SLC16A12: variants seen among roughly 807,000 people sequenced by gnomAD.
SLC16A12 encodes solute carrier family 16 member 12, also known as monocarboxylate transporter 12.
Under a neutral mutation model 42.4 loss-of-function variants are expected in SLC16A12, and 17 were observed. The observed-to-expected ratio is 0.40, with a 90% CI of 0.27 to 0.60. The LOEUF (loss-of-function observed/expected upper bound fraction) is 0.60, where lower values mean the gene tolerates loss of function less well. Ranked by LOEUF, SLC16A12 falls within the 20% of genes least tolerant of loss-of-function variation. The pLI, the probability that SLC16A12 is intolerant of heterozygous loss-of-function variation, is 0.42. For missense variants in SLC16A12, 544 were observed against 623.0 expected (o/e 0.87, Z 1.35); for synonymous variants, 224 against 229.4 (o/e 0.98, Z 0.21).
intron 2 of SLC16A12, among the ~76,000 whole-genome samples, chr10:89,513,654 G>T (rs1322090036): frequency 2.0e-5 from 3 of 152,138 alleles, no homozygotes; most frequent in Non-Finnish European, 4.4e-5. Flanking sequence ...AATCAAATGT[G>T]ACTTGATGGG....
intron 3 of SLC16A12, among the ~76,000 whole-genome samples, chr10:89,453,663 C>T (rs1051519280): frequency 6.6e-6 from 1 of 152,138 alleles, no homozygotes; most frequent in Non-Finnish European, 1.5e-5. Flanking sequence ...TGTGAGTACA[C>T]TCTATGATGT....
Position 89,436,081 on chromosome 10 carries a change from A to C in SLC16A12, c.1267T>G (p.Leu423Val). 6.2e-7 allele frequency: 1 copy of C among 1,613,928 alleles called. No individual in the cohort carries two copies. Among genetic ancestry groups the C allele is most frequent in the Non-Finnish European group, 8.5e-7 (1 of 1,179,864 alleles). ...TTACCTGCGATGGGTGGGCTCACCA[A>C]GTATGGCACTGCGTGAAGGAAGTAT... The part of the protein sequence containing the change: ...VVYFLHAVPY[L>V]VSPPIAGRLV... The change falls in exon 7 of 8, where the codon TTG becomes GTG. Residue 423 changes from leucine (L) to valine (V), a missense_variant. Leu to Val is a conservative substitution (Grantham distance 32). Transcript: ENST00000371790.
Position 89,502,480 on chromosome 10 carries a change from C to T in SLC16A12, c.-47+32021G>A, listed in dbSNP as rs113343650. ...AAAACAAAAAAACAAAAAAGTGATG[C>T]CCACAGAAACTCCTGATACAACTGA... On this transcript the variant is annotated intron_variant, in intron 2 of 7. Transcript: ENST00000371790. Among the ~76,000 whole-genome samples, 432 of 152,042 alleles carry T rather than the reference C, an allele frequency of 2.8e-3. 3 individuals carry two copies. Among genetic ancestry groups the T allele is most frequent in the Middle Eastern group, 0.024 (7 of 294 alleles).
rs533766957 is a variant in SLC16A12 at position 89,515,596 on chromosome 10, C to A, written c.-47+18905G>T. Among the ~76,000 whole-genome samples, 8 of 152,264 alleles carry A rather than the reference C, an allele frequency of 5.3e-5. No individual in the cohort carries two copies. The South Asian group carries it at 1.5e-3, about 28-fold the overall frequency. On this transcript the variant is annotated intron_variant, in intron 2 of 7. Coordinates refer to ENST00000371790, the MANE Select transcript of SLC16A12 (RefSeq NM_213606.4). ...TATCCCCGTTTTCCCACAAGAAGCT[C>A]AAGAAAAGGCATATGGTTTCCCAGG...
intron 2 of SLC16A12, among the ~76,000 whole-genome samples, chr10:89,519,356 C>T (rs1178304935): frequency 6.6e-6 from 1 of 152,066 alleles, no homozygotes; most frequent in Non-Finnish European, 1.5e-5. Context: ...CATGTATCCC[C>T]TAAACCTAAA....
chr10:89,502,866 C>T (rs1271158262), intron 2 of SLC16A12, among the ~76,000 whole-genome samples: 2 of 152,192 alleles, frequency 1.3e-5, no homozygotes, highest in Non-Finnish European at 2.9e-5. Flanking sequence ...TCCAAGGAAG[C>T]CAACAGTCTG....
At chr10:89,473,569 C>T (rs1314356945) in intron 2 of SLC16A12, among the ~76,000 whole-genome samples, 1 of 152,082 alleles carries the variant, frequency 6.6e-6, no homozygotes, top group South Asian at 2.1e-4. Context: ...AAAATGGAGG[C>T]TTATGAAGAA....
chr10:89,461,894 A>G (rs1329797176), intron 3 of SLC16A12, among the ~76,000 whole-genome samples: 2 of 152,202 alleles, frequency 1.3e-5, no homozygotes, highest in East Asian at 3.9e-4. Flanking sequence ...GCTATTTCAC[A>G]TGTGATGAGT....
chr10:89,521,445 G>C (rs1357960582), intron 2 of SLC16A12, among the ~76,000 whole-genome samples: 1 of 152,138 alleles, frequency 6.6e-6, no homozygotes, highest in Non-Finnish European at 1.5e-5. Flanking sequence ...ATCCTACACG[G>C]GCAGAGGAGA....
At position 89,438,799 on chromosome 10, in the gene SLC16A12, A is replaced by G. The variant is rs770003714; in HGVS notation, c.833T>C (p.Leu278Ser). 3 of 1,614,216 alleles carry G rather than the reference A, an allele frequency of 1.9e-6. No individual in the cohort carries two copies. The highest frequency in any genetic ancestry group is 4.5e-5 in the East Asian group (2 of 44,888). Reference sequence around the variant, plus strand: ...TAACACAACAAAGTCTGACATGAGTAAAAAACTGTACTCTTGCTGCAAACA... The same window carrying G: ...TAACACAACAAAGTCTGACATGAGTGAAAAACTGTACTCTTGCTGCAAACA... ...CCCLQQEYSF[L>S]LMSDFVVLAV... is the part of the protein sequence containing the mutation. Residue 278 changes from leucine (L) to serine (S), a missense_variant, in exon 6 of 8, where the codon TTA becomes TCA. Transcript: ENST00000371790.
chr10:89,480,235 T>G (rs1336322135), intron 2 of SLC16A12, among the ~76,000 whole-genome samples: 1 of 152,194 alleles, frequency 6.6e-6, no homozygotes, highest in Non-Finnish European at 1.5e-5. Flanking sequence ...TTGAAGCACA[T>G]GGAACAGTGC....
At chr10:89,434,282 T>C (rs1026483913) in intron 7 of SLC16A12, among the ~76,000 whole-genome samples, 2 of 152,160 alleles carry the variant, frequency 1.3e-5, no homozygotes, top group Non-Finnish European at 2.9e-5. Flanking sequence ...AATAAGAAAA[T>C]GATACAATAA....
intron 2 of SLC16A12, among the ~76,000 whole-genome samples, chr10:89,486,941 G>A (rs1169083892): frequency 6.6e-6 from 1 of 152,210 alleles, no homozygotes; most frequent in Non-Finnish European, 1.5e-5. Flanking sequence ...AGAGATATGT[G>A]TGGGCTGGTA....
rs1453146499 is a variant in SLC16A12, at chr10:89,438,686, G to C, written c.946C>G (p.Gln316Glu). Residue 316 changes from glutamine (Q) to glutamate (E), a missense_variant, in exon 6 of 8, where the codon CAG becomes GAG. Transcript: ENST00000371790. ...PYALSVGVSH[Q>E]QAAFLMSILG... Reference sequence around the variant, plus strand: ...ATGGACATAAGAAAAGCAGCTTGCTGATGACTCACTCCAACACTCAAAGCA... The same window carrying C: ...ATGGACATAAGAAAAGCAGCTTGCTCATGACTCACTCCAACACTCAAAGCA... 8 of 1,613,978 alleles carry C rather than the reference G, an allele frequency of 5.0e-6. No individual in the cohort carries two copies. In the African/African-American group the frequency reaches 8.0e-5, roughly 16 times the overall value.
At chr10:89,538,093 A>T (rs1024351559), upstream of SLC16A12, among the ~76,000 whole-genome samples, 44 of 152,254 alleles carry the variant, frequency 2.9e-4, no homozygotes, top group African/African-American at 1.1e-3. Flanking sequence ...GGCAGCATGG[A>T]AGTGGAGAAA....
At chr10:89,545,029 A>G (rs1161847222) in intron 2 of SLC16A12, among the ~76,000 whole-genome samples, 1 of 152,198 alleles carries the variant, frequency 6.6e-6, no homozygotes, top group South Asian at 2.1e-4. Context: ...TTATACCTCC[A>G]TCTGGCTCTC....
intron 7 of SLC16A12, among the ~76,000 whole-genome samples, chr10:89,434,509 A>G (rs1841747340): frequency 6.6e-6 from 1 of 152,222 alleles, no homozygotes. Context: ...GATCTGTATC[A>G]TGGAGTTCAA....
intron 3 of SLC16A12, among the ~76,000 whole-genome samples, chr10:89,449,672 C>T (rs1451187662): frequency 6.6e-6 from 1 of 152,146 alleles, no homozygotes; most frequent in Non-Finnish European, 1.5e-5. Flanking sequence ...AAAACCTAGG[C>T]AATACCATTC....
chr10:89,478,414 AG>A (rs983416756), intron 2 of SLC16A12, among the ~76,000 whole-genome samples: 1 of 152,222 alleles, frequency 6.6e-6, no homozygotes, highest in African/African-American at 2.4e-5. Flanking sequence ...GTGAACCTGC[AG>A]GGGGAAACAA....
Sources: gnomAD v4.1 joint callset for allele counts (sites outside exome capture counted in the v4.1 genomes callset) on GRCh38, gnomAD v4.1.1 for gene constraint, MANE v1.5 for transcripts, NCBI Gene and HGNC (gene_info 2026-07-23, HGNC 2026-07-21) for gene names.